Variants in TTC17 observed in about 807,000 individuals in gnomAD.
TTC17 encodes tetratricopeptide repeat domain 17.
Under a neutral mutation model 143.8 loss-of-function variants are expected in TTC17, and 58 were observed. The observed-to-expected ratio is 0.40, with a 90% CI of 0.33 to 0.50. The LOEUF is 0.50. Among genes scored for constraint, TTC17 ranks in the 20% least tolerant of loss-of-function variants. TTC17 has a pLI of 0.49. For synonymous variants in TTC17, 501 were observed against 497.8 expected (o/e 1.01, Z -0.09); for missense variants, 1,273 against 1,392.5 (o/e 0.91, Z 1.37).
At chr11:43,388,056 T>TTTTATATA (rs1291377612) in intron 2 of TTC17, among the ~76,000 whole-genome samples, 1 of 152,214 alleles carries the variant, frequency 6.6e-6, no homozygotes, top group Non-Finnish European at 1.5e-5. Context: ...ACTGAAAATG[T>TTTTATATA]GCATCCCATA....
intron 21 of TTC17, among the ~76,000 whole-genome samples, chr11:43,463,508 A>AT (rs200698432): frequency 5.3e-5 from 8 of 150,434 alleles, no homozygotes; most frequent in Non-Finnish European, 7.4e-5. Context: ...ACCTTAGGCA[A>AT]TTTTTTTTTT....
intron 21 of TTC17, among the ~76,000 whole-genome samples, chr11:43,489,641 G>C (rs1309770801): frequency 2.6e-5 from 4 of 151,812 alleles, no homozygotes; most frequent in African/African-American, 7.3e-5. Context: ...GGGAGGCTGA[G>C]ACAGAAGAAT....
intron 16 of TTC17, among the ~76,000 whole-genome samples, chr11:43,427,063 A>G (rs559927684): frequency 6.6e-6 from 1 of 152,250 alleles, no homozygotes; most frequent in South Asian, 2.1e-4. Context: ...AGTTTTAAAT[A>G]CCAATACCAT....
In TTC17 at chr11:43,404,079, G is replaced by T. The variant is rs769086128; in HGVS notation, c.1414G>T (p.Val472Phe). The change falls in exon 11 of 24, where the codon GTC (valine) becomes TTC (phenylalanine). Residue 472 changes from valine to phenylalanine, a missense_variant. Val to Phe is a conservative substitution (Grantham distance 50). Coordinates refer to ENST00000039989, the MANE Select transcript of TTC17 (RefSeq NM_018259.6). ...QSNQSDINDS[V>F]KSSPVAHSIL... is the part of the protein sequence containing the mutation. ...AAATCAGAGTGATATCAATGATTCGGTCAAGTCTTCTCCCGTAGCCCATTC... is the reference window on the plus strand; with the variant it reads ...AAATCAGAGTGATATCAATGATTCGTTCAAGTCTTCTCCCGTAGCCCATTC... 1.2e-6 allele frequency: 2 copies of T among 1,613,190 alleles called. No individual in the cohort carries two copies. Among genetic ancestry groups the T allele is most frequent in the South Asian group, 2.2e-5 (2 of 90,992 alleles).
At chr11:43,481,365 T>A (rs1054101121) in intron 21 of TTC17, among the ~76,000 whole-genome samples, 1 of 152,206 alleles carries the variant, frequency 6.6e-6, no homozygotes, top group Non-Finnish European at 1.5e-5. Flanking sequence ...TTTTTTATTA[T>A]GTTTTTGTGA....
chr11:43,390,613 C>G (rs1857344387), intron 3 of TTC17, among the ~76,000 whole-genome samples: 1 of 141,718 alleles, frequency 7.1e-6, no homozygotes, highest in Non-Finnish European at 1.5e-5. Flanking sequence ...AAGACTCCGT[C>G]TCAAAAAAAA....
At position 43,368,975 on chromosome 11, in the gene TTC17, C is replaced by T. The variant is rs73549406; in HGVS notation, c.159+9862C>T. Reference sequence around the variant, plus strand: ...TGGACCTTTGTCCTTGCTTCTTCCTCTGCAGATGGCATCACGGCTCAGCCT... The same window carrying T: ...TGGACCTTTGTCCTTGCTTCTTCCTTTGCAGATGGCATCACGGCTCAGCCT... On this transcript the variant is annotated intron_variant, in intron 1 of 23. Transcript: ENST00000039989. Among the ~76,000 whole-genome samples the T allele has an allele frequency of 1.6e-3, 243 of 152,354 alleles. 1 individual carries two copies. The highest frequency in any genetic ancestry group is 5.6e-3 in the African/African-American group (232 of 41,584).
intron 21 of TTC17, among the ~76,000 whole-genome samples, chr11:43,460,982 T>G (rs1462623904): frequency 2.6e-5 from 4 of 152,158 alleles, no homozygotes; most frequent in Non-Finnish European, 2.9e-5. Flanking sequence ...GCAGGGAAAA[T>G]ATCCTCTACC....
At chr11:43,388,286 T>G (rs940132276) in intron 2 of TTC17, among the ~76,000 whole-genome samples, 2 of 152,126 alleles carry the variant, frequency 1.3e-5, no homozygotes, top group Non-Finnish European at 2.9e-5. Flanking sequence ...CATACATACT[T>G]TTTTTAAGTT....
intron 2 of TTC17, 63 bp from the exon 3 acceptor site, chr11:43,389,589 T>C: frequency 6.8e-7 from 1 of 1,476,226 alleles, no homozygotes. Flanking sequence ...CCCCTTTCTC[T>C]TCAATGGTAG....
intron 21 of TTC17, among the ~76,000 whole-genome samples, chr11:43,479,657 A>T (rs1489685385): frequency 6.6e-6 from 1 of 152,262 alleles, no homozygotes; most frequent in Non-Finnish European, 1.5e-5. Flanking sequence ...CTGTCAGGAA[A>T]ACAGAAATAA....
chr11:43,406,971 A>C (rs182158949), intron 13 of TTC17, among the ~76,000 whole-genome samples, 167 bp from the exon 14 acceptor site: 2 of 152,218 alleles, frequency 1.3e-5, no homozygotes, highest in African/African-American at 2.4e-5. Flanking sequence ...GAGCAGGTCA[A>C]CACCTGTTGG....
chr11:43,447,936 G>C, intron 18 of TTC17, 66 bp from the exon 19 acceptor site: 1 of 1,578,250 alleles, frequency 6.3e-7, no homozygotes, highest in South Asian at 1.2e-5. Context: ...TAATCACCAG[G>C]GCATAAGGCC....
At chr11:43,365,257 C>T (rs538614769) in intron 1 of TTC17, among the ~76,000 whole-genome samples, 30 of 152,252 alleles carry the variant, frequency 2.0e-4, no homozygotes, top group Non-Finnish European at 2.8e-4. Flanking sequence ...CATACCACCA[C>T]ACCTGGTTAG....
intron 1 of TTC17, among the ~76,000 whole-genome samples, chr11:43,365,709 A>G (rs1856309667): frequency 6.6e-6 from 1 of 152,242 alleles, no homozygotes; most frequent in Non-Finnish European, 1.5e-5. Context: ...CTTGCTTAAA[A>G]TGCAGATTTC....
intron 16 of TTC17, among the ~76,000 whole-genome samples, chr11:43,426,482 A>C (rs962754060): frequency 6.6e-6 from 1 of 152,250 alleles, no homozygotes; most frequent in African/African-American, 2.4e-5. Context: ...TCTTAATTCC[A>C]TACCCTTGAG....
intron 5 of TTC17, chr11:43,396,184 A>G (rs1031543217): frequency 4.6e-5 from 7 of 151,214 alleles, no homozygotes; most frequent in Non-Finnish European, 5.9e-5. Flanking sequence ...TTGTGAAGTT[A>G]CACATTTTAC....
Position 43,405,842 on chromosome 11 carries a change from A to G in TTC17, c.1652A>G (p.Asp551Gly). The G allele has an allele frequency of 6.2e-7, 1 of 1,614,022 alleles. No homozygotes were observed. The change falls in exon 13 of 24, where the codon GAC becomes GGC. Residue 551 changes from aspartate to glycine, a missense_variant. By Grantham distance (94) the Asp-to-Gly change is moderately conservative (BLOSUM62 -1). Transcript: ENST00000039989. ...YSTEEEAQTPDCSITDFRKSH... is the reference protein window; with the variant it reads ...YSTEEEAQTPGCSITDFRKSH... ...ACAGAAGAAGAGGCCCAAACCCCTG[A>G]CTGTTCCATAACTGACTTCAGAAAA...
chr11:43,384,011 G>C (rs1157961425), intron 2 of TTC17, among the ~76,000 whole-genome samples: 2 of 151,998 alleles, frequency 1.3e-5, no homozygotes, highest in Non-Finnish European at 2.9e-5. Flanking sequence ...TGGGCATGGT[G>C]GCAGGCACCT....
Sources: allele counts gnomAD v4.1 joint callset (sites outside exome capture counted in the v4.1 genomes callset), GRCh38; gene constraint gnomAD v4.1.1; transcripts MANE v1.5; gene names NCBI Gene and HGNC (gene_info 2026-07-23, HGNC 2026-07-21).